Variants in TMEM50A observed in about 807,000 individuals in gnomAD.
TMEM50A encodes cervical cancer oncogene 9.
A neutral mutation model predicts 23.9 loss-of-function variants in TMEM50A; 8 were observed. That is an observed-to-expected ratio of 0.33 (90% CI 0.20 to 0.60). TMEM50A has a LOEUF of 0.60. Among genes scored for constraint, TMEM50A ranks in the 20% least tolerant of loss-of-function variants. The probability of loss-of-function intolerance (pLI) is 0.81; values close to 1 mark genes in which losing one functional copy is unlikely to be tolerated. For missense variants in TMEM50A, 178 were observed against 192.7 expected (o/e 0.92, Z 0.45); for synonymous variants, 55 against 60.4 (o/e 0.91, Z 0.41).
chr1:25,343,266 ACTCC>A (rs1457935777), intron 3 of TMEM50A, among the ~76,000 whole-genome samples, 193 bp downstream of exon 3: 1 of 151,706 alleles, frequency 6.6e-6, no homozygotes, highest in Non-Finnish European at 1.5e-5. Context: ...GTACCTCTCC[ACTCC>A]CTCCCAGCTT....
chr1:25,350,225 T>G (rs959628712), intron 3 of TMEM50A, among the ~76,000 whole-genome samples: 6 of 152,228 alleles, frequency 3.9e-5, no homozygotes, highest in African/African-American at 1.4e-4. Flanking sequence ...AAAGCCAATT[T>G]TAAGAAATAT....
rs1179135841 is a variant in TMEM50A, at chr1:25,351,164, CAAAAAAAAAA to C, written c.207-453_207-444del. On this transcript the variant is annotated intron_variant, in intron 3 of 6. Transcript: ENST00000374358. ...TGGGAGACAGAGCGAGACTCCGTCT[CAAAAAAAAAA>C]AAAAAAAAGGAGTATCTGGTTGAAG... Among the ~76,000 whole-genome samples, 380 of 61,250 alleles carry C rather than the reference CAAAAAAAAAA, an allele frequency of 6.2e-3. 3 individuals are homozygous for C. Among genetic ancestry groups the C allele is most frequent in the African/African-American group, 0.016 (359 of 22,058 alleles). 40.2% of individuals were successfully genotyped at this position (61,250 alleles called of 152,430 possible).
intron 2 of TMEM50A, 185 bp from the exon 3 acceptor site, chr1:25,342,770 TAATAAA>T: frequency 2.6e-6 from 1 of 379,008 alleles, no homozygotes; most frequent in Non-Finnish European, 4.8e-6. Context: ...AAAGTTATGT[TAATAAA>T]TATAAATTGC....
At chr1:25,353,369 A>G (rs559007474) in intron 5 of TMEM50A, among the ~76,000 whole-genome samples, 1 of 152,250 alleles carries the variant, frequency 6.6e-6, no homozygotes, top group South Asian at 2.1e-4. Context: ...TGCAGCCTCA[A>G]CCTCCTGGGC....
chr1:25,352,302 T>C (rs1342897899), intron 4 of TMEM50A, among the ~76,000 whole-genome samples: 1 of 152,106 alleles, frequency 6.6e-6, no homozygotes, highest in African/African-American at 2.4e-5. Context: ...GAGATCATCC[T>C]GGCTAACACA....
At chr1:25,353,084 C>A in intron 5 of TMEM50A, 110 bp downstream of exon 5, 2 of 855,548 alleles carry the variant, frequency 2.3e-6, no homozygotes, top group Non-Finnish European at 1.8e-6. Context: ...CAACTACTAG[C>A]GATGCATTTA....
In TMEM50A at chr1:25,362,272, A is replaced by G; in HGVS notation, c.*1567A>G. 2.6e-6 allele frequency: 2 copies of G among 760,614 alleles called. No homozygotes were observed. The highest frequency in any genetic ancestry group is 2.1e-6 in the Non-Finnish European group (1 of 481,914). 47.1% of individuals were successfully genotyped at this position (760,614 alleles called of 1,614,324 possible). ...AATAAAATTAACCCAAAACTTTAAT[A>G]ATGTGTCTGTAACCAAGAAAATATT... On this transcript the variant is annotated 3_prime_UTR_variant, in exon 7 of 7. Coordinates refer to ENST00000374358, the MANE Select transcript of TMEM50A (RefSeq NM_014313.4).
intron 4 of TMEM50A, 79 bp downstream of exon 4, chr1:25,351,772 C>G: frequency 1.6e-6 from 2 of 1,260,762 alleles, no homozygotes; most frequent in South Asian, 2.7e-5. Flanking sequence ...TACCACTTTT[C>G]TATTTGTTTT....
chr1:25,358,916 G>A (rs1309168265), intron 6 of TMEM50A, among the ~76,000 whole-genome samples: 6 of 152,208 alleles, frequency 3.9e-5, no homozygotes, highest in Non-Finnish European at 7.3e-5. Flanking sequence ...CACCATGCCT[G>A]ACTAATTTTT....
chr1:25,344,903 C>G (rs1336133260), intron 3 of TMEM50A, among the ~76,000 whole-genome samples: 1 of 151,822 alleles, frequency 6.6e-6, no homozygotes, highest in Non-Finnish European at 1.5e-5. Flanking sequence ...GCATTTTCTA[C>G]TATTATCACA....
chr1:25,357,539 GTGTGTGTGTGTGTGTGTGTGTGT>G (rs1317705152), intron 6 of TMEM50A, among the ~76,000 whole-genome samples: 1 of 148,520 alleles, frequency 6.7e-6, no homozygotes, highest in African/African-American at 2.5e-5. Context: ...GTGTGTGTGT[GTGTGTGTGTGTGTGTGTGTGTGT>G]TGTGTGTGTG....
In TMEM50A at chr1:25,360,743, G is replaced by A. The variant is rs1645391890; in HGVS notation, c.*38G>A. 6.8e-6 allele frequency: 11 copies of A among 1,610,888 alleles called. No homozygotes were observed. The highest frequency in any genetic ancestry group is 1.7e-4 in the Middle Eastern group (1 of 5,998). ...TCCCACAGCACAACAGCCCTGCATGGGTTTGTTTGTTTTTTTACTGCTCAC... is the reference window on the plus strand; with the variant it reads ...TCCCACAGCACAACAGCCCTGCATGAGTTTGTTTGTTTTTTTACTGCTCAC... On this transcript the variant is annotated 3_prime_UTR_variant, in exon 7 of 7. Transcript: ENST00000374358.
chr1:25,362,249 TA>T lies in TMEM50A; in HGVS notation c.*1548del. 1.5e-6 allele frequency: 1 copy of T among 655,344 alleles called. No homozygotes were observed. Among genetic ancestry groups the T allele is most frequent in the Non-Finnish European group, 2.5e-6 (1 of 395,750 alleles). 40.6% of individuals were successfully genotyped at this position (655,344 alleles called of 1,614,324 possible). ...GAGAAAGAATCTTAAGAATTGTCAA[TA>T]AAATTAACCCAAAACTTTAATAATG... On this transcript the variant is annotated 3_prime_UTR_variant, in exon 7 of 7. Transcript: ENST00000374358.
At chr1:25,359,998 T>C (rs1257819548) in intron 6 of TMEM50A, among the ~76,000 whole-genome samples, 1 of 152,176 alleles carries the variant, frequency 6.6e-6, no homozygotes, top group African/African-American at 2.4e-5. Flanking sequence ...GGGCAGTGGC[T>C]TTGTATCTTA....
Position 25,360,767 on chromosome 1 carries a change from A to G in TMEM50A, c.*62A>G. ...GGGTTTGTTTGTTTTTTTACTGCTC[A>G]CTCCCAACCTTTTGTAATGCCATTT... On this transcript the variant is annotated 3_prime_UTR_variant, in exon 7 of 7. Coordinates refer to ENST00000374358, the MANE Select transcript of TMEM50A (RefSeq NM_014313.4). 1 of 1,553,196 alleles carries G rather than the reference A, an allele frequency of 6.4e-7. No homozygotes were observed. Among genetic ancestry groups the G allele is most frequent in the Non-Finnish European group, 8.9e-7 (1 of 1,129,804 alleles).
chr1:25,352,812 A>AT (rs1375294934), intron 4 of TMEM50A, 70 bp from the exon 5 acceptor site: 1 of 1,379,610 alleles, frequency 7.2e-7, no homozygotes, highest in African/African-American at 1.5e-5. Flanking sequence ...TTTGGGTTTT[A>AT]TTTTCTTTTT....
At chr1:25,360,613 T>C (rs907081339) in intron 6 of TMEM50A, 47 bp from the exon 7 acceptor site, 6 of 1,605,266 alleles carry the variant, frequency 3.7e-6, no homozygotes, top group Non-Finnish European at 5.1e-6. Flanking sequence ...CACATACTCT[T>C]TTCTCAAATT....
chr1:25,343,641 C>G (rs987903773), intron 3 of TMEM50A, among the ~76,000 whole-genome samples: 2 of 152,048 alleles, frequency 1.3e-5, no homozygotes, highest in Non-Finnish European at 2.9e-5. Flanking sequence ...ATCCTCCCAC[C>G]TCGACCTCCC....
chr1:25,353,344 A>AT (rs1432747282), intron 5 of TMEM50A, among the ~76,000 whole-genome samples: 1 of 152,172 alleles, frequency 6.6e-6, no homozygotes, highest in Non-Finnish European at 1.5e-5. Context: ...GTGCAATGGC[A>AT]TGATCATGGC....
Sources: allele counts gnomAD v4.1 joint callset (sites outside exome capture counted in the v4.1 genomes callset), GRCh38; gene constraint gnomAD v4.1.1; transcripts MANE v1.5; gene names NCBI Gene and HGNC (gene_info 2026-07-23, HGNC 2026-07-21).